Variants in PARD3B observed in about 807,000 individuals in gnomAD.
PARD3B encodes the protein partitioning defective 3 homolog B.
A neutral mutation model predicts 130.2 loss-of-function variants in PARD3B; 103 were observed. The ratio of observed to expected loss-of-function variants is 0.79; its 90% CI spans 0.67 to 0.93. PARD3B has a LOEUF of 0.93. PARD3B is among the 40% of genes least tolerant of loss of function. PARD3B has a pLI of 0.00. For missense variants in PARD3B, 1,609 were observed against 1,499.2 expected, an observed-to-expected ratio of 1.07 and a Z score of -1.21; for synonymous variants, 583 against 553.2, an observed-to-expected ratio of 1.05 and a Z score of -0.76.
intron 4 of PARD3B, among the ~76,000 whole-genome samples, chr2:205,079,039 C>T (rs912515793): frequency 1.2e-4 from 18 of 152,324 alleles, no homozygotes; most frequent in Non-Finnish European, 2.6e-4. Flanking sequence ...CCCAGCTTAG[C>T]CTTTCCTGAA....
intron 10 of PARD3B, among the ~76,000 whole-genome samples, chr2:205,150,892 GT>G (rs967771006): frequency 3.3e-5 from 5 of 152,104 alleles, no homozygotes; most frequent in African/African-American, 1.2e-4. Context: ...CACAATCTCA[GT>G]TAGGAGGAAT....
chr2:205,423,776 G>A (rs563507167), intron 19 of PARD3B, among the ~76,000 whole-genome samples: 9 of 152,234 alleles, frequency 5.9e-5, no homozygotes, highest in East Asian at 3.9e-4. Context: ...GAACAGGATC[G>A]TGTCCTTTGC....
intron 2 of PARD3B, among the ~76,000 whole-genome samples, chr2:204,694,682 A>G (rs1034775527): frequency 6.6e-6 from 1 of 152,098 alleles, no homozygotes; most frequent in African/African-American, 2.4e-5. Flanking sequence ...ACTATAGCTA[A>G]GGCAAATAGT....
chr2:205,400,937 A>G (rs148743729), intron 18 of PARD3B, 76 bp from the exon 19 acceptor site: 2 of 1,019,840 alleles, frequency 2.0e-6, no homozygotes, highest in Non-Finnish European at 3.0e-6. Context: ...TAATGAGCTC[A>G]TCCCATAAAT....
chr2:205,551,225 C>T (rs576816418), intron 21 of PARD3B, among the ~76,000 whole-genome samples: 2 of 151,772 alleles, frequency 1.3e-5, no homozygotes, highest in African/African-American at 4.8e-5. Context: ...CAATTAATAA[C>T]CTTCAGCATA....
At chr2:205,601,658 CTTGAG>C (rs1043220323) in intron 22 of PARD3B, among the ~76,000 whole-genome samples, 2 of 152,098 alleles carry the variant, frequency 1.3e-5, no homozygotes, top group Non-Finnish European at 2.9e-5. Flanking sequence ...TTTAATCCAT[CTTGAG>C]TTAATTTTTA....
chr2:204,546,364 C>CA (rs2029932719), intron 1 of PARD3B, among the ~76,000 whole-genome samples: 1 of 152,050 alleles, frequency 6.6e-6, no homozygotes, highest in Non-Finnish European at 1.5e-5. Flanking sequence ...TAGAACTGCC[C>CA]AATATGGGCA....
chr2:204,915,917 G>A (rs2047423841), intron 2 of PARD3B, among the ~76,000 whole-genome samples: 1 of 152,134 alleles, frequency 6.6e-6, no homozygotes, highest in Non-Finnish European at 1.5e-5. Flanking sequence ...TACGGTTTGT[G>A]GCTGTGAATT....
At chr2:205,365,381 A>C (rs959862414) in intron 18 of PARD3B, among the ~76,000 whole-genome samples, 4 of 45,172 alleles carry the variant, frequency 8.9e-5, no homozygotes, top group African/African-American at 2.5e-4. Context: ...ACTCCGTCTC[A>C]GAAAAAAAAA....
intron 3 of PARD3B, among the ~76,000 whole-genome samples, chr2:205,027,184 C>G (rs988503021): frequency 6.6e-6 from 1 of 152,136 alleles, no homozygotes; most frequent in African/African-American, 2.4e-5. Flanking sequence ...CCATCGTGCA[C>G]AAGGCTTCCC....
chr2:205,143,215 C>T (rs758077594), intron 10 of PARD3B, among the ~76,000 whole-genome samples: 3 of 151,948 alleles, frequency 2.0e-5, no homozygotes, highest in East Asian at 1.9e-4. Flanking sequence ...CATTAAGTAT[C>T]GTAAAAATTG....
chr2:205,408,885 A>G (rs933623109), intron 19 of PARD3B, among the ~76,000 whole-genome samples: 1 of 152,102 alleles, frequency 6.6e-6, no homozygotes, highest in African/African-American at 2.4e-5. Flanking sequence ...TAATAGTCCC[A>G]ATTTATTATT....
intron 15 of PARD3B, among the ~76,000 whole-genome samples, chr2:205,201,036 G>T (rs968057795): frequency 2.0e-5 from 3 of 152,126 alleles, no homozygotes; most frequent in African/African-American, 7.2e-5. Flanking sequence ...CACATTTACA[G>T]TTCCATATTC....
chr2:204,703,721 AT>A (rs1377967671), intron 2 of PARD3B, among the ~76,000 whole-genome samples: 1 of 152,188 alleles, frequency 6.6e-6, no homozygotes, highest in Non-Finnish European at 1.5e-5. Context: ...CAGTTACAAT[AT>A]CATTTACTAA....
At chr2:204,829,998 CAAAAAAAAA>C (rs745415671) in intron 2 of PARD3B, among the ~76,000 whole-genome samples, 1 of 47,698 alleles carries the variant, frequency 2.1e-5, no homozygotes, top group African/African-American at 7.2e-5. Context: ...GACTCCGTCT[CAAAAAAAAA>C]AAAAAAAAAA....
At chr2:205,106,412 G>A (rs1428814101) in intron 5 of PARD3B, among the ~76,000 whole-genome samples, 3 of 151,922 alleles carry the variant, frequency 2.0e-5, no homozygotes, top group African/African-American at 7.3e-5. Flanking sequence ...GCCTCCCAAA[G>A]TGCTGGGATT....
intron 18 of PARD3B, among the ~76,000 whole-genome samples, chr2:205,372,004 G>A (rs1204673785): frequency 6.6e-6 from 1 of 151,958 alleles, no homozygotes; most frequent in Non-Finnish European, 1.5e-5. Flanking sequence ...CCTTTTTATT[G>A]CCTAATAATA....
chr2:204,935,994 C>T (rs1159300377), intron 2 of PARD3B, among the ~76,000 whole-genome samples: 2 of 152,166 alleles, frequency 1.3e-5, no homozygotes, highest in Non-Finnish European at 2.9e-5. Context: ...TCTGGGAAGG[C>T]CCTAAGTGTC....
rs541089617 is a variant in PARD3B at position 205,199,472 on chromosome 2, TACAC to T, written c.2140+6164_2140+6167del. 3.9e-4 allele frequency among the ~76,000 whole-genome samples: 59 copies of T among 151,202 alleles called. No homozygotes were observed. In the East Asian group the frequency reaches 9.5e-3, roughly 24 times the overall value. On this transcript the variant is annotated intron_variant, in intron 15 of 22. Transcript: ENST00000406610. The stretch of plus-strand genomic sequence containing the variant: ...TTTTTACTGTGTGTGTATATACACA[TACAC>T]ACACACACACATATATATACACACG...
Sources: gnomAD v4.1 joint callset for allele counts (sites outside exome capture counted in the v4.1 genomes callset) on GRCh38, gnomAD v4.1.1 for gene constraint, MANE v1.5 for transcripts, NCBI Gene and HGNC (gene_info 2026-07-23, HGNC 2026-07-21) for gene names.